EEFSEC: variants seen among roughly 807,000 people sequenced by gnomAD.
The protein encoded by EEFSEC is eukaryotic elongation factor, selenocysteine-tRNA specific.
EEFSEC carries 43 observed loss-of-function variants against 42.1 expected under a neutral mutation model. That is an observed-to-expected ratio of 1.02 (90% confidence interval 0.80 to 1.32). The LOEUF is 1.32. Among genes scored for constraint, EEFSEC ranks in the 40% most tolerant of loss-of-function variants. The probability of loss-of-function intolerance (pLI) is 0.00; values close to 1 mark genes in which losing one functional copy is unlikely to be tolerated. For synonymous variants in EEFSEC, 354 were observed against 339.1 expected, an observed-to-expected ratio of 1.04 and a Z score of -0.48; for missense variants, 745 against 803.6, an observed-to-expected ratio of 0.93 and a Z score of 0.88.
At chr3:128,183,690 C>T (rs901068135) in intron 1 of EEFSEC, among the ~76,000 whole-genome samples, 2 of 152,234 alleles carry the variant, frequency 1.3e-5, no homozygotes, top group Admixed American at 1.3e-4. Flanking sequence ...ACCCTACATA[C>T]TAACTGCCTG....
In EEFSEC at chr3:128,218,416, A is replaced by G. The variant is rs142504354; in HGVS notation, c.317-28420A>G. On this transcript the variant is annotated intron_variant, in intron 1 of 6. Coordinates refer to ENST00000254730, the MANE Select transcript of EEFSEC (RefSeq NM_021937.5). Reference sequence around the variant, plus strand: ...GGCCAGACACCAGCTGTAACTTAAAACAATTTTTGTCTTAGTTGCTTTAAG... The same window carrying G: ...GGCCAGACACCAGCTGTAACTTAAAGCAATTTTTGTCTTAGTTGCTTTAAG... 9.8e-5 allele frequency among the ~76,000 whole-genome samples: 15 copies of G among 152,316 alleles called. 1 individual carries two copies. In the East Asian group the frequency reaches 2.3e-3, roughly 24 times the overall value.
At chr3:128,364,967 G>A (rs539257277) in intron 6 of EEFSEC, among the ~76,000 whole-genome samples, 3 of 152,332 alleles carry the variant, frequency 2.0e-5, no homozygotes, top group African/African-American at 7.2e-5. Flanking sequence ...AGGAGTAAGT[G>A]GGCACAGCAT....
At chr3:128,284,463 G>T (rs1391864015) in intron 4 of EEFSEC, among the ~76,000 whole-genome samples, 1 of 152,034 alleles carries the variant, frequency 6.6e-6, no homozygotes, top group African/African-American at 2.4e-5. Context: ...TGGGGGTGGG[G>T]GATGGGGCTT....
intron 5 of EEFSEC, among the ~76,000 whole-genome samples, chr3:128,348,814 T>C (rs1251496616): frequency 6.6e-6 from 1 of 152,220 alleles, no homozygotes; most frequent in Non-Finnish European, 1.5e-5. Context: ...GTTACTTGCA[T>C]CTCAGCCACA....
chr3:128,335,428 G>C (rs1270346153), intron 4 of EEFSEC, among the ~76,000 whole-genome samples: 2 of 152,220 alleles, frequency 1.3e-5, no homozygotes, highest in African/African-American at 4.8e-5. Flanking sequence ...AAGGAAGTGA[G>C]GAAGAGAGGA....
chr3:128,247,929 C>T (rs900245690), intron 2 of EEFSEC, among the ~76,000 whole-genome samples: 1 of 152,156 alleles, frequency 6.6e-6, no homozygotes, highest in African/African-American at 2.4e-5. Flanking sequence ...GGAGAATCCA[C>T]AGCCCTGGTG....
intron 2 of EEFSEC, among the ~76,000 whole-genome samples, chr3:128,253,822 T>C (rs1046434454): frequency 5.9e-5 from 9 of 152,126 alleles, no homozygotes; most frequent in Non-Finnish European, 1.2e-4. Flanking sequence ...GACAGGTGGG[T>C]CTGTGGCCCT....
At chr3:128,310,554 T>C (rs1408335775) in intron 4 of EEFSEC, among the ~76,000 whole-genome samples, 1 of 152,214 alleles carries the variant, frequency 6.6e-6, no homozygotes, top group Non-Finnish European at 1.5e-5. Context: ...CTGTTTTCTT[T>C]GTAGGCACAC....
At chr3:128,396,924 G>A (rs375569833) in intron 6 of EEFSEC, among the ~76,000 whole-genome samples, 1 of 152,160 alleles carries the variant, frequency 6.6e-6, no homozygotes, top group East Asian at 1.9e-4. Flanking sequence ...TCTGTGTCAG[G>A]CCCCCTCTTG....
chr3:128,423,246 T>C, the EEFSEC span, among the ~76,000 whole-genome samples: 3 of 152,206 alleles, frequency 2.0e-5, no homozygotes, highest in African/African-American at 7.2e-5. Flanking sequence ...GTTTATCAAC[T>C]GATGAATGGA....
the EEFSEC span, among the ~76,000 whole-genome samples, chr3:128,418,542 G>C: frequency 1.5e-5 from 2 of 132,794 alleles, no homozygotes; most frequent in Non-Finnish European, 1.6e-5. Flanking sequence ...AGCATCCCCC[G>C]TGCCCCACAG....
intron 1 of EEFSEC, among the ~76,000 whole-genome samples, chr3:128,196,289 G>A (rs1412368548): frequency 6.6e-6 from 1 of 152,190 alleles, no homozygotes. Context: ...GATTTTCCTT[G>A]CTCAAGATTT....
chr3:128,289,250 A>C (rs980554890), intron 4 of EEFSEC, among the ~76,000 whole-genome samples: 3 of 152,172 alleles, frequency 2.0e-5, no homozygotes, highest in African/African-American at 7.2e-5. Context: ...TTCCAAATAT[A>C]GGTTCCCCAC....
intron 2 of EEFSEC, among the ~76,000 whole-genome samples, chr3:128,254,287 A>G (rs2107913613): frequency 6.6e-6 from 1 of 152,322 alleles, no homozygotes; most frequent in East Asian, 1.9e-4. Context: ...GTGAGGTTCA[A>G]AATATGGAGC....
rs1251290443 is a variant in EEFSEC, at chr3:128,153,983, T to C, written c.316+160T>C. 5 of 1,081,870 alleles carry C rather than the reference T, an allele frequency of 4.6e-6. No homozygotes were observed. In the African/African-American group the frequency reaches 5.2e-5, roughly 11 times the overall value. The allele number at this position is 1,081,870 out of a possible 1,614,324, so 67.0% of individuals were successfully genotyped here. A position where few individuals can be genotyped will look rare whatever the true frequency, so the allele number is the denominator to read the frequency against. ...GAGGCGGACGTGACTTGCCTAGGGC[T>C]CCGCAGCAAGTGAGCGGAGGCTTTG... On this transcript the variant is annotated intron_variant, in intron 1 of 6. Transcript: ENST00000254730.
At chr3:128,188,576 A>AATCAGG (rs1013232418) in intron 1 of EEFSEC, among the ~76,000 whole-genome samples, 1 of 152,194 alleles carries the variant, frequency 6.6e-6, no homozygotes, top group African/African-American at 2.4e-5. Flanking sequence ...CAGGCCCTGG[A>AATCAGG]ATCAGGTATT....
chr3:128,164,421 G>T (rs184681966), intron 1 of EEFSEC, among the ~76,000 whole-genome samples: 2 of 152,144 alleles, frequency 1.3e-5, no homozygotes, highest in Admixed American at 6.5e-5. Context: ...GGAGACACAC[G>T]GCTGGGCCTG....
intron 4 of EEFSEC, among the ~76,000 whole-genome samples, chr3:128,318,919 A>T (rs940660858): frequency 1.3e-5 from 2 of 152,118 alleles, no homozygotes; most frequent in Non-Finnish European, 2.9e-5. Flanking sequence ...GGCGGTTTTT[A>T]CCCCATTGTA....
chr3:128,405,088 C>T (rs2068093840), intron 6 of EEFSEC, among the ~76,000 whole-genome samples: 14 of 151,616 alleles, frequency 9.2e-5, no homozygotes. Flanking sequence ...GCAATCTCGG[C>T]TCACTGCAAG....
Sources: allele counts gnomAD v4.1 joint callset (sites outside exome capture counted in the v4.1 genomes callset), GRCh38; gene constraint gnomAD v4.1.1; transcripts MANE v1.5; gene names NCBI Gene and HGNC (gene_info 2026-07-23, HGNC 2026-07-21).